Variants in TRDN observed in about 807,000 individuals in gnomAD.
The protein encoded by TRDN is triadin, also known as triadin in skeletal muscle.
In TRDN, 161 loss-of-function variants were observed where a neutral mutation model predicts 149.7. The ratio of observed to expected loss-of-function variants is 1.08; its 90% CI spans 0.95 to 1.23. TRDN has a LOEUF of 1.23. TRDN is among the 50% of genes most tolerant of loss of function. The pLI is 0.00. For synonymous variants in TRDN, 294 were observed against 250.5 expected, an observed-to-expected ratio of 1.17 and a Z score of -1.64; for missense variants, 896 against 823.5, an observed-to-expected ratio of 1.09 and a Z score of -1.08.
intron 19 of TRDN, among the ~76,000 whole-genome samples, chr6:123,368,904 G>A (rs1236413829): frequency 6.6e-6 from 1 of 152,112 alleles, no homozygotes; most frequent in Non-Finnish European, 1.5e-5. Flanking sequence ...ATGCATAAAT[G>A]AGCCATAGTT....
chr6:123,274,965 A>G (rs1403284740), intron 26 of TRDN, among the ~76,000 whole-genome samples: 1 of 152,144 alleles, frequency 6.6e-6, no homozygotes, highest in Admixed American at 6.6e-5. Context: ...AATTGTTGCT[A>G]TAGCTCATTC....
intron 15 of TRDN, 60 bp from the exon 16 acceptor site, chr6:123,381,450 C>A: frequency 1.4e-6 from 2 of 1,461,968 alleles, no homozygotes; most frequent in South Asian, 1.2e-5. Flanking sequence ...ACGTACTACC[C>A]TACATATTGA....
At chr6:123,446,606 A>AAAC (rs1562317990) in intron 10 of TRDN, among the ~76,000 whole-genome samples, 6 of 146,088 alleles carry the variant, frequency 4.1e-5, no homozygotes, top group African/African-American at 1.5e-4. Context: ...AAAAAAAAAA[A>AAAC]AAAGAAGAGC....
At chr6:123,623,694 A>G (rs1785510145) in intron 1 of TRDN, among the ~76,000 whole-genome samples, 1 of 152,130 alleles carries the variant, frequency 6.6e-6, no homozygotes, top group African/African-American at 2.4e-5. Flanking sequence ...TAAAAACTTA[A>G]TTCTTTGCTC....
At chr6:123,413,908 T>A (rs1453597912) in intron 12 of TRDN, among the ~76,000 whole-genome samples, 2 of 152,120 alleles carry the variant, frequency 1.3e-5, no homozygotes, top group Non-Finnish European at 2.9e-5. Context: ...CTACTCACCA[T>A]TAGACATCTC....
chr6:123,517,431 A>G (rs1956260694), intron 5 of TRDN, among the ~76,000 whole-genome samples: 1 of 152,078 alleles, frequency 6.6e-6, no homozygotes, highest in Admixed American at 6.6e-5. Context: ...CCTTTCTAAC[A>G]TGAAAATTCG....
At chr6:123,524,982 A>G (rs1779875226) in intron 5 of TRDN, among the ~76,000 whole-genome samples, 1 of 152,126 alleles carries the variant, frequency 6.6e-6, no homozygotes, top group South Asian at 2.1e-4. Flanking sequence ...CCATCAGAGA[A>G]ATGCAACTCA....
intron 8 of TRDN, among the ~76,000 whole-genome samples, chr6:123,497,836 G>T (rs1170175662): frequency 6.6e-6 from 1 of 152,096 alleles, no homozygotes; most frequent in Non-Finnish European, 1.5e-5. Context: ...AAATGATATT[G>T]TTGTTAAACT....
At chr6:123,323,625 G>A (rs72974644) in intron 23 of TRDN, among the ~76,000 whole-genome samples, 2,609 of 152,244 alleles carry the variant, frequency 0.017, 29 homozygotes, top group Non-Finnish European at 0.026. Context: ...AATTCCCAAT[G>A]GAGTTTGATG....
At chr6:123,578,460 G>T (rs1583276012) in intron 1 of TRDN, among the ~76,000 whole-genome samples, 1 of 152,096 alleles carries the variant, frequency 6.6e-6, no homozygotes, top group Non-Finnish European at 1.5e-5. Flanking sequence ...AGATCAGAGG[G>T]TCGTAGGTAT....
intron 37 of TRDN, among the ~76,000 whole-genome samples, chr6:123,254,569 G>C (rs1776487425): frequency 6.6e-6 from 1 of 151,902 alleles, no homozygotes. Flanking sequence ...GTTATTTACA[G>C]TTTTATGATA....
At chr6:123,510,578 TTA>T (rs1258273997) in intron 7 of TRDN, among the ~76,000 whole-genome samples, 4 of 152,070 alleles carry the variant, frequency 2.6e-5, no homozygotes, top group Admixed American at 1.3e-4. Context: ...TGGCATATTA[TTA>T]TGGTACTTTC....
At chr6:123,420,174 T>C (rs921845441) in intron 12 of TRDN, among the ~76,000 whole-genome samples, 2 of 152,220 alleles carry the variant, frequency 1.3e-5, no homozygotes, top group Admixed American at 6.6e-5. Context: ...ACAATCATCT[T>C]AAATGATCTA....
rs575050102 is a variant in TRDN at position 123,554,679 on chromosome 6, A to G, written c.233-6067T>C. Among the ~76,000 whole-genome samples the G allele has an allele frequency of 2.0e-5, 3 of 152,292 alleles. No homozygotes were observed. The East Asian group carries it at 5.8e-4, about 29-fold the overall frequency. On this transcript the variant is annotated intron_variant, in intron 2 of 40. Coordinates refer to ENST00000334268, the MANE Select transcript of TRDN (RefSeq NM_006073.4). ...CTTTCCCAATGCCAAATGAAACTTC[A>G]GATGTGTTTCCTCATTCCCATCCCA...
intron 24 of TRDN, among the ~76,000 whole-genome samples, chr6:123,302,034 A>T (rs1182371167): frequency 2.0e-5 from 3 of 150,510 alleles, no homozygotes; most frequent in Non-Finnish European, 3.0e-5. Flanking sequence ...ATGATAAAAA[A>T]TTCAATTTTA....
rs1269666503 is a variant in TRDN, at chr6:123,266,094, TA to T, written c.1784-757del. Among the ~76,000 whole-genome samples the T allele has an allele frequency of 1.5e-3, 193 of 131,314 alleles. 6 individuals are homozygous for T. Among genetic ancestry groups the T allele is most frequent in the African/African-American group, 5.2e-3 (181 of 35,128 alleles). 86.1% of individuals were successfully genotyped at this position (131,314 alleles called of 152,430 possible). On this transcript the variant is annotated intron_variant, in intron 32 of 40. Coordinates refer to ENST00000334268, the MANE Select transcript of TRDN (RefSeq NM_006073.4). ...ACATTTTGTGTTTATATATATTATA[TA>T]TATTATATATCATATGTATTATATA... is the stretch of plus-strand genomic sequence containing the variant.
At chr6:123,522,436 A>T (rs895663823) in intron 5 of TRDN, among the ~76,000 whole-genome samples, 2 of 36,080 alleles carry the variant, frequency 5.5e-5, no homozygotes, top group African/African-American at 1.8e-4. Flanking sequence ...AAACAACTAC[A>T]TGGGGGGGGA....
At chr6:123,538,667 C>A (rs953677762) in intron 4 of TRDN, among the ~76,000 whole-genome samples, 1 of 152,000 alleles carries the variant, frequency 6.6e-6, no homozygotes, top group Non-Finnish European at 1.5e-5. Context: ...TATTTTGGAT[C>A]TTTATTTTAT....
chr6:123,555,320 G>A (rs899923950), intron 2 of TRDN, among the ~76,000 whole-genome samples: 15 of 151,700 alleles, frequency 9.9e-5, no homozygotes, highest in African/African-American at 3.6e-4. Flanking sequence ...TGAATTTATT[G>A]CGTTCTTATT....
Sources: gnomAD v4.1 joint callset for allele counts (sites outside exome capture counted in the v4.1 genomes callset) on GRCh38, gnomAD v4.1.1 for gene constraint, MANE v1.5 for transcripts, NCBI Gene and HGNC (gene_info 2026-07-23, HGNC 2026-07-21) for gene names.